THSD7A: variants seen among roughly 807,000 people sequenced by gnomAD.
The protein encoded by THSD7A is thrombospondin type-1 domain-containing protein 7A.
THSD7A carries 96 observed loss-of-function variants against 231.3 expected under a neutral mutation model. That is an observed-to-expected ratio of 0.41 (90% CI 0.35 to 0.49). THSD7A has a LOEUF of 0.49. Among genes scored for constraint, THSD7A ranks in the 20% least tolerant of loss-of-function variants. THSD7A has a pLI of 0.05. For synonymous variants in THSD7A, 940 were observed against 743.3 expected, an observed-to-expected ratio of 1.26 and a Z score of -4.30; for missense variants, 2,290 against 2,070.2, an observed-to-expected ratio of 1.11 and a Z score of -2.06.
chr7:11,822,467 T>C (rs1370799296), intron 1 of THSD7A, among the ~76,000 whole-genome samples: 1 of 152,142 alleles, frequency 6.6e-6, no homozygotes, highest in African/African-American at 2.4e-5. Flanking sequence ...GACACTTAGG[T>C]TGATTCCACA....
chr7:11,752,308 C>T (rs947629810), intron 1 of THSD7A, among the ~76,000 whole-genome samples: 2 of 151,960 alleles, frequency 1.3e-5, no homozygotes, highest in African/African-American at 4.8e-5. Flanking sequence ...TTTTTCCATG[C>T]CTCGACATCA....
intron 16 of THSD7A, among the ~76,000 whole-genome samples, chr7:11,422,333 T>C (rs1162815824): frequency 2.0e-5 from 3 of 152,154 alleles, no homozygotes; most frequent in Admixed American, 6.5e-5. Flanking sequence ...ACCTCCTCTT[T>C]TATAGACCCA....
At chr7:11,796,356 A>G (rs2128179807) in intron 1 of THSD7A, among the ~76,000 whole-genome samples, 1 of 151,720 alleles carries the variant, frequency 6.6e-6, no homozygotes, top group South Asian at 2.1e-4. Context: ...AAAAAAAAGG[A>G]TACTGGCATT....
In THSD7A at chr7:11,671,690, A is replaced by G. The variant is rs74789216; in HGVS notation, c.191-34729T>C. Among the ~76,000 whole-genome samples the G allele has an allele frequency of 7.7e-3, 1,180 of 152,304 alleles. 16 individuals are homozygous for G. Among genetic ancestry groups the G allele is most frequent in the African/African-American group, 0.027 (1,117 of 41,582 alleles). On this transcript the variant is annotated intron_variant, in intron 1 of 27. Coordinates refer to ENST00000423059, the MANE Select transcript of THSD7A (RefSeq NM_015204.3). ...AATATAATGTATTAAAAGCATATACAGAAGTTTCAATTAAGAATGTATTTC... is the reference window on the plus strand; with the variant it reads ...AATATAATGTATTAAAAGCATATACGGAAGTTTCAATTAAGAATGTATTTC...
At position 11,631,264 on chromosome 7, in the gene THSD7A, G is replaced by T. The variant is rs559381025; in HGVS notation, c.1022+4866C>A. Among the ~76,000 whole-genome samples, 6 of 152,142 alleles carry T rather than the reference G, an allele frequency of 3.9e-5. No homozygotes were observed. The South Asian group carries it at 1.0e-3, about 26-fold the overall frequency. ...CACAGATTTATCATATAGACACTTC[G>T]TTTTTTCAGTTTTCCATTTTCCTTT... is the stretch of plus-strand genomic sequence containing the variant. On this transcript the variant is annotated intron_variant, in intron 2 of 27. Coordinates refer to ENST00000423059, the MANE Select transcript of THSD7A (RefSeq NM_015204.3).
intron 9 of THSD7A, among the ~76,000 whole-genome samples, chr7:11,465,735 C>G (rs1352127365): frequency 6.6e-6 from 1 of 151,912 alleles, no homozygotes; most frequent in Non-Finnish European, 1.5e-5. Flanking sequence ...GAGGAAGAAG[C>G]CTCTGCAATA....
chr7:11,700,293 C>G (rs1250606319), intron 1 of THSD7A, among the ~76,000 whole-genome samples: 1 of 151,166 alleles, frequency 6.6e-6, no homozygotes, highest in Non-Finnish European at 1.5e-5. Flanking sequence ...TTTTACTCTA[C>G]AATAATAGTA....
chr7:11,507,428 C>G (rs1787598578), intron 6 of THSD7A, among the ~76,000 whole-genome samples: 1 of 151,930 alleles, frequency 6.6e-6, no homozygotes, highest in African/African-American at 2.4e-5. Context: ...ATTTGTATGC[C>G]CGAATACTAT....
chr7:11,563,801 C>A (rs1355159303), intron 4 of THSD7A, among the ~76,000 whole-genome samples: 3 of 152,164 alleles, frequency 2.0e-5, no homozygotes, highest in Non-Finnish European at 2.9e-5. Flanking sequence ...CTACTCTGTG[C>A]AGTTCATGAA....
rs571290647 is a variant in THSD7A, at chr7:11,541,588, T to G, written c.1653A>C (p.Gly551=). The change falls in exon 6 of 28, where the codon GGA becomes GGC. Residue 551 remains glycine (G), a synonymous_variant. Coordinates refer to ENST00000423059, the MANE Select transcript of THSD7A (RefSeq NM_015204.3). ...GGCAGTTTCCGGTTACCCCAGAGCCTCCAGTGGGCTCATTGGTAATGCGCC... is the reference window on the plus strand; with the variant it reads ...GGCAGTTTCCGGTTACCCCAGAGCCGCCAGTGGGCTCATTGGTAATGCGCC... ...RKRRITNEPT[G]GSGVTGNCPH... 6.2e-7 allele frequency: 1 copy of G among 1,613,942 alleles called. No individual in the cohort carries two copies. The highest frequency in any genetic ancestry group is 1.7e-5 in the Admixed American group (1 of 60,000).
chr7:11,471,796 C>T (rs1562636576), intron 8 of THSD7A, among the ~76,000 whole-genome samples: 1 of 151,950 alleles, frequency 6.6e-6, no homozygotes, highest in African/African-American at 2.4e-5. Flanking sequence ...CATTCTTAAC[C>T]AGGAAACATT....
chr7:11,426,632 T>C (rs1355151975), intron 15 of THSD7A, 34 bp downstream of exon 15: 14 of 1,533,340 alleles, frequency 9.1e-6, no homozygotes, highest in Non-Finnish European at 1.1e-5. Flanking sequence ...AAAGAAGGAT[T>C]CTATCAAAAA....
At chr7:11,745,398 T>G (rs1247922716) in intron 1 of THSD7A, among the ~76,000 whole-genome samples, 1 of 152,154 alleles carries the variant, frequency 6.6e-6, no homozygotes, top group Non-Finnish European at 1.5e-5. Flanking sequence ...GTAGGTTGCT[T>G]GTTCACTCTG....
chr7:11,485,186 G>T (rs1457835669), intron 6 of THSD7A, among the ~76,000 whole-genome samples: 1 of 152,074 alleles, frequency 6.6e-6, no homozygotes, highest in Non-Finnish European at 1.5e-5. Flanking sequence ...ACCGCACCCA[G>T]ACTCAACCTT....
In THSD7A at chr7:11,545,975, G is replaced by A. The variant is rs150288391; in HGVS notation, c.1454-2858C>T. On this transcript the variant is annotated intron_variant, in intron 4 of 27. Coordinates refer to ENST00000423059, the MANE Select transcript of THSD7A (RefSeq NM_015204.3). ...CTCAGCACCCCCTATCTTCCAGCCC[G>A]TCCCAGGGTAACTGCCTGGCCTTGT... Among the ~76,000 whole-genome samples, 31 of 152,156 alleles carry A rather than the reference G, an allele frequency of 2.0e-4. No individual in the cohort carries two copies. In the East Asian group the frequency reaches 3.3e-3, roughly 16 times the overall value.
chr7:11,388,341 G>A lies in THSD7A; in HGVS notation c.4412-5725C>T, dbSNP rs924353360. 3.3e-5 allele frequency among the ~76,000 whole-genome samples: 5 copies of A among 152,020 alleles called. No homozygotes were observed. The South Asian group carries it at 6.3e-4, about 19-fold the overall frequency. ...TCTGGTCCTGGACTTTTTGTGGTTG[G>A]TAGGCTATTAATTAGTGCCTCAATT... On this transcript the variant is annotated intron_variant, in intron 23 of 27. Transcript: ENST00000423059.
chr7:11,801,070 G>A (rs1449749995), intron 1 of THSD7A, among the ~76,000 whole-genome samples: 2 of 152,130 alleles, frequency 1.3e-5, no homozygotes, highest in Non-Finnish European at 2.9e-5. Flanking sequence ...GGGAGGCTGA[G>A]GTGGGAGGAT....
At chr7:11,515,474 C>T (rs1250828404) in intron 6 of THSD7A, among the ~76,000 whole-genome samples, 1 of 151,986 alleles carries the variant, frequency 6.6e-6, no homozygotes, top group African/African-American at 2.4e-5. Flanking sequence ...TTTAATAATC[C>T]ATAGTGCCAT....
chr7:11,458,753 A>G (rs1785396369), intron 11 of THSD7A, among the ~76,000 whole-genome samples: 1 of 152,186 alleles, frequency 6.6e-6, no homozygotes, highest in South Asian at 2.1e-4. Context: ...ACCCAGGATG[A>G]AGAACGAACA....
Sources: gnomAD v4.1 joint callset for allele counts (sites outside exome capture counted in the v4.1 genomes callset) on GRCh38, gnomAD v4.1.1 for gene constraint, MANE v1.5 for transcripts, NCBI Gene and HGNC (gene_info 2026-07-23, HGNC 2026-07-21) for gene names.